PRUNE2: variants seen among roughly 807,000 people sequenced by gnomAD.
PRUNE2 encodes prune homolog 2 with BCH domain.
PRUNE2 carries 164 observed loss-of-function variants against 252.0 expected under a neutral mutation model. The ratio of observed to expected loss-of-function variants is 0.65; its 90% CI spans 0.57 to 0.74. The LOEUF is 0.74. Among genes scored for constraint, PRUNE2 ranks in the 30% least tolerant of loss-of-function variants. The probability of loss-of-function intolerance (pLI) is 0.00; values close to 1 mark genes in which losing one functional copy is unlikely to be tolerated. For synonymous variants in PRUNE2, 1,292 were observed against 1,350.2 expected, an observed-to-expected ratio of 0.96 and a Z score of 0.94; for missense variants, 3,495 against 3,711.0, an observed-to-expected ratio of 0.94 and a Z score of 1.51.
chr9:76,864,667 G>T (rs1173483808), intron 1 of PRUNE2, among the ~76,000 whole-genome samples: 2 of 152,064 alleles, frequency 1.3e-5, no homozygotes, highest in African/African-American at 2.4e-5. Flanking sequence ...CACACAAAGG[G>T]TTCCTATATA....
At chr9:76,867,238 G>C in intron 1 of PRUNE2, among the ~76,000 whole-genome samples, 1 of 135,824 alleles carries the variant, frequency 7.4e-6, no homozygotes, top group Non-Finnish European at 1.5e-5. Context: ...GTTTCATGCT[G>C]TTCATGGCTT....
chr9:76,664,380 C>T (rs763524575), intron 9 of PRUNE2, among the ~76,000 whole-genome samples: 1 of 152,196 alleles, frequency 6.6e-6, no homozygotes, highest in Non-Finnish European at 1.5e-5. Flanking sequence ...ATCCTGCAGC[C>T]TGGCTAATGT....
chr9:76,668,845 G>A (rs749541460), intron 9 of PRUNE2, among the ~76,000 whole-genome samples: 3 of 150,682 alleles, frequency 2.0e-5, no homozygotes, highest in Non-Finnish European at 2.9e-5. Flanking sequence ...ATCGCACACA[G>A]TAACTTCACC....
At chr9:76,672,504 A>C (rs1362302991) in intron 9 of PRUNE2, among the ~76,000 whole-genome samples, 1,232 of 122,520 alleles carry the variant, frequency 0.01, 21 homozygotes, top group African/African-American at 0.037. Flanking sequence ...CGAGACAGAA[A>C]GTCAACAAGG....
intron 2 of PRUNE2, among the ~76,000 whole-genome samples, chr9:76,851,790 T>C (rs141016010): frequency 5.9e-5 from 9 of 152,206 alleles, no homozygotes; most frequent in African/African-American, 1.7e-4. Flanking sequence ...AACAGATCTG[T>C]GGCAACCAGA....
intron 6 of PRUNE2, among the ~76,000 whole-genome samples, chr9:76,756,131 A>C (rs1014459456): frequency 9.8e-5 from 15 of 152,346 alleles, no homozygotes; most frequent in African/African-American, 2.6e-4. Context: ...TAAAATTAAC[A>C]AACCTCAGCT....
intron 6 of PRUNE2, among the ~76,000 whole-genome samples, chr9:76,768,625 A>G (rs113459925): frequency 0.019 from 2,330 of 124,890 alleles, 17 homozygotes; most frequent in African/African-American, 0.023. Context: ...GTGTGTGTGT[A>G]TATCCCTGCT....
intron 9 of PRUNE2, among the ~76,000 whole-genome samples, chr9:76,680,316 A>C (rs1408544003): frequency 1.3e-5 from 2 of 152,358 alleles, no homozygotes; most frequent in Middle Eastern, 3.4e-3. Flanking sequence ...ATATCACTTC[A>C]TACTCATTAG....
intron 15 of PRUNE2, among the ~76,000 whole-genome samples, chr9:76,635,955 C>T (rs1839887631): frequency 6.6e-6 from 1 of 152,138 alleles, no homozygotes; most frequent in Admixed American, 6.5e-5. Flanking sequence ...GAAACCAAGA[C>T]TCCTCAGGGG....
At chr9:76,831,037 C>T (rs188944016) in intron 4 of PRUNE2, among the ~76,000 whole-genome samples, 132 of 151,610 alleles carry the variant, frequency 8.7e-4, no homozygotes, top group Admixed American at 3.0e-3. Flanking sequence ...TCACACCATT[C>T]TCCTGCCTCA....
intron 11 of PRUNE2, among the ~76,000 whole-genome samples, chr9:76,648,420 C>T (rs1363942535): frequency 1.3e-5 from 2 of 152,140 alleles, no homozygotes; most frequent in Non-Finnish European, 2.9e-5. Flanking sequence ...GCAGCCAAGA[C>T]GTCCTTCAGT....
chr9:76,669,861 A>C (rs2040972392), intron 9 of PRUNE2, among the ~76,000 whole-genome samples: 1 of 152,150 alleles, frequency 6.6e-6, no homozygotes, highest in Non-Finnish European at 1.5e-5. Flanking sequence ...TTCTGCTCAC[A>C]TGGAATGGGT....
chr9:76,693,073 C>G (rs1195048898), intron 9 of PRUNE2: 1 of 150,524 alleles, frequency 6.6e-6, no homozygotes, highest in Non-Finnish European at 1.5e-5. Flanking sequence ...TTAGCTACTA[C>G]TACTATTATT....
chr9:76,880,554 TGCTA>T (rs1398183626), intron 1 of PRUNE2, among the ~76,000 whole-genome samples: 1 of 152,186 alleles, frequency 6.6e-6, no homozygotes, highest in Non-Finnish European at 1.5e-5. Flanking sequence ...GGACCAAAAT[TGCTA>T]GTTTCACTTG....
intron 6 of PRUNE2, among the ~76,000 whole-genome samples, chr9:76,801,406 T>A (rs1251737276): frequency 6.6e-6 from 1 of 152,198 alleles, no homozygotes; most frequent in African/African-American, 2.4e-5. Context: ...AGCAGATTAT[T>A]AATGAAAAGT....
At chr9:76,735,593 A>G (rs2049007985) in intron 6 of PRUNE2, among the ~76,000 whole-genome samples, 1 of 152,096 alleles carries the variant, frequency 6.6e-6, no homozygotes, top group African/African-American at 2.4e-5. Flanking sequence ...AGACTTTAGG[A>G]TCACTCATTA....
At chr9:76,615,058 C>G in intron 18 of PRUNE2, 2 of 977,518 alleles carry the variant, frequency 2.0e-6, no homozygotes, top group Non-Finnish European at 2.4e-6. Flanking sequence ...CAAACATTTT[C>G]TAGAAGCCAA....
intron 11 of PRUNE2, among the ~76,000 whole-genome samples, chr9:76,650,946 G>A (rs1261885312): frequency 1.3e-5 from 2 of 152,132 alleles, no homozygotes; most frequent in African/African-American, 4.8e-5. Context: ...TCTTCTGTGG[G>A]ATTTTGTCAA....
intron 1 of PRUNE2, among the ~76,000 whole-genome samples, chr9:76,891,134 C>T (rs543545149): frequency 1.1e-4 from 16 of 152,254 alleles, no homozygotes; most frequent in African/African-American, 3.4e-4. Context: ...CTGCACTAAA[C>T]GAAAATTACT....
Sources: allele counts gnomAD v4.1 joint callset (sites outside exome capture counted in the v4.1 genomes callset), GRCh38; gene constraint gnomAD v4.1.1; transcripts MANE v1.5; gene names NCBI Gene and HGNC (gene_info 2026-07-23, HGNC 2026-07-21).